The following COL14A1 variants were observed in gnomAD, a reference collection of about 807,000 sequenced individuals.
COL14A1 encodes the protein collagen alpha-1(XIV) chain.
In COL14A1, 136 loss-of-function variants were observed where a neutral mutation model predicts 230.3. That is an observed-to-expected ratio of 0.59 (90% CI 0.51 to 0.68). The LOEUF (loss-of-function observed/expected upper bound fraction) is 0.68, where lower values mean the gene tolerates loss of function less well. Ranked by LOEUF, COL14A1 falls within the 30% of genes least tolerant of loss-of-function variation. The probability of loss-of-function intolerance (pLI) is 0.00; values close to 1 mark genes in which losing one functional copy is unlikely to be tolerated. For synonymous variants in COL14A1, 792 were observed against 784.1 expected (o/e 1.01, Z -0.17); for missense variants, 1,976 against 2,215.8 (o/e 0.89, Z 2.17).
At chr8:120,265,053 G>A (rs925707653) in intron 24 of COL14A1, among the ~76,000 whole-genome samples, 4 of 152,090 alleles carry the variant, frequency 2.6e-5, no homozygotes, top group Admixed American at 1.3e-4. Flanking sequence ...CTGAAGCAAT[G>A]CAGGTAAAGA....
At chr8:120,358,261 A>G (rs896706009) in intron 45 of COL14A1, among the ~76,000 whole-genome samples, 79 of 152,306 alleles carry the variant, frequency 5.2e-4, no homozygotes, top group Non-Finnish European at 9.3e-4. Flanking sequence ...ATACCCAGAT[A>G]GAGTATGCTT....
chr8:120,144,231 G>A (rs542512217), intron 1 of COL14A1, among the ~76,000 whole-genome samples: 2 of 152,208 alleles, frequency 1.3e-5, no homozygotes, highest in African/African-American at 4.8e-5. Context: ...CTCAAATGTA[G>A]TATCATTATT....
chr8:120,273,805 CA>C (rs113673542), intron 26 of COL14A1, among the ~76,000 whole-genome samples: 89,199 of 139,992 alleles, frequency 0.64, 27,522 homozygotes, highest in African/African-American at 0.74. Flanking sequence ...AACAGTTTTC[CA>C]AAAAAAAAAA....
chr8:120,248,846 C>A (rs543287023), intron 21 of COL14A1, among the ~76,000 whole-genome samples: 1 of 151,892 alleles, frequency 6.6e-6, no homozygotes, highest in Admixed American at 6.6e-5. Context: ...CAAAGCAAGA[C>A]CCTGTCTCAA....
intron 40 of COL14A1, among the ~76,000 whole-genome samples, chr8:120,321,156 C>T (rs1027936525): frequency 6.6e-6 from 1 of 152,234 alleles, no homozygotes; most frequent in Non-Finnish European, 1.5e-5. Context: ...GAAGATGTTG[C>T]GCCCAGCATT....
At position 120,371,782 on chromosome 8, in the gene COL14A1, G is replaced by C. The variant is rs1812164699; in HGVS notation, c.*551G>C. The C allele has an allele frequency of 2.5e-6, 1 of 392,398 alleles. No homozygotes were observed. Among genetic ancestry groups the C allele is most frequent in the Admixed American group, 4.4e-5 (1 of 22,536 alleles). 24.3% of individuals were successfully genotyped at this position (392,398 alleles called of 1,614,324 possible). A position where few individuals can be genotyped will look rare whatever the true frequency, so the allele number is the denominator to read the frequency against. ...TGGTTTCATGTGTATCCAAAAATCA[G>C]CATTTGGATTTAAGCTTTCTGAATT... On this transcript the variant is annotated 3_prime_UTR_variant, in exon 48 of 48. Transcript: ENST00000297848.
rs923793125 is a variant in COL14A1 at position 120,371,820 on chromosome 8, A to C, written c.*589A>C. 1 of 386,518 alleles carries C rather than the reference A, an allele frequency of 2.6e-6. No homozygotes were observed. The highest frequency in any genetic ancestry group is 4.6e-6 in the Non-Finnish European group (1 of 218,364). 23.9% of individuals were successfully genotyped at this position (386,518 alleles called of 1,614,324 possible). ...AGCTTTCTGAATTTGGTAGTTTAAG[A>C]AACAGATTTAGTTTTTCAGTGGTTT... On this transcript the variant is annotated 3_prime_UTR_variant, in exon 48 of 48. Coordinates refer to ENST00000297848, the MANE Select transcript of COL14A1 (RefSeq NM_021110.4).
intron 34 of COL14A1, among the ~76,000 whole-genome samples, chr8:120,293,916 A>C (rs769660186): frequency 6.6e-6 from 1 of 152,024 alleles, no homozygotes; most frequent in East Asian, 1.9e-4. Context: ...GTTTCCCTTA[A>C]ATTCAATAAA....
At chr8:120,305,537 T>C (rs1245929839) in intron 36 of COL14A1, among the ~76,000 whole-genome samples, 3 of 152,184 alleles carry the variant, frequency 2.0e-5, no homozygotes, top group Non-Finnish European at 4.4e-5. Context: ...ATTTATATTT[T>C]AGATATTTCT....
intron 36 of COL14A1, among the ~76,000 whole-genome samples, chr8:120,308,661 T>C (rs528720141): frequency 6.6e-5 from 10 of 152,328 alleles, no homozygotes; most frequent in Middle Eastern, 3.4e-3. Context: ...TTTAAAAAGC[T>C]GAGGAAATTT....
intron 5 of COL14A1, among the ~76,000 whole-genome samples, chr8:120,194,148 C>T (rs1318525131): frequency 3.3e-5 from 5 of 152,222 alleles, no homozygotes; most frequent in South Asian, 2.1e-4. Context: ...GCGTCACTCA[C>T]ACTGGAAGCT....
intron 31 of COL14A1, 92 bp from the exon 32 acceptor site, chr8:120,283,544 C>A: frequency 7.3e-7 from 1 of 1,365,710 alleles, no homozygotes; most frequent in Non-Finnish European, 1.0e-6. Context: ...TTTTCCAAAT[C>A]TTGTGTAATG....
At chr8:120,138,900 T>C (rs1352786603) in intron 1 of COL14A1, among the ~76,000 whole-genome samples, 1 of 152,230 alleles carries the variant, frequency 6.6e-6, no homozygotes, top group Non-Finnish European at 1.5e-5. Flanking sequence ...AAAATTCTCT[T>C]TCTATAAAGT....
rs2198747 is a variant in COL14A1, at chr8:120,297,863, C to T, written c.4314+275C>T. On this transcript the variant is annotated intron_variant, in intron 35 of 47. Coordinates refer to ENST00000297848, the MANE Select transcript of COL14A1 (RefSeq NM_021110.4). ...CTCATGAAGCCCTTAGTGTCTCAAG[C>T]TTTTTCTTGCACCCCTAAGCCAAAA... Among the ~76,000 whole-genome samples the T allele has an allele frequency of 0.67, 101,944 of 151,714 alleles. 35,783 individuals are homozygous for T. The highest frequency in any genetic ancestry group is 0.89 in the African/African-American group (36,951 of 41,426).
intron 5 of COL14A1, among the ~76,000 whole-genome samples, chr8:120,175,511 T>C (rs1281516302): frequency 1.3e-5 from 2 of 152,180 alleles, no homozygotes; most frequent in Non-Finnish European, 2.9e-5. Flanking sequence ...AGTGTTCTCA[T>C]TTTCTGGGGG....
At chr8:120,245,172 G>A (rs1174184566) in intron 20 of COL14A1, among the ~76,000 whole-genome samples, 2 of 152,272 alleles carry the variant, frequency 1.3e-5, no homozygotes, top group Non-Finnish European at 2.9e-5. Flanking sequence ...GCCACCCCAT[G>A]CAAAGTAGCC....
Position 120,369,365 on chromosome 8 carries a change from C to A in COL14A1, c.5191C>A (p.Pro1731Thr), listed in dbSNP as rs1823510226. ...GGAGAGTCGGCCTGGCAGCCCTGGG[C>A]CCCCTGGCTCTCCTGGACCAAGAGG... ...SGESRPGSPG[P>T]PGSPGPRGPP... Residue 1731 changes from proline to threonine, a missense_variant, in exon 47 of 48, where the codon CCC (proline) becomes ACC (threonine). This residue lies in a region of COL14A1 where 1,791 missense variants were observed against 2,019.5 expected (regional missense o/e 0.89). Coordinates refer to ENST00000297848, the MANE Select transcript of COL14A1 (RefSeq NM_021110.4). 1.3e-6 allele frequency: 2 copies of A among 1,599,030 alleles called. No homozygotes were observed. The highest frequency in any genetic ancestry group is 1.7e-6 in the Non-Finnish European group (2 of 1,172,938).
intron 29 of COL14A1, 72 bp from the exon 30 acceptor site, chr8:120,280,639 C>G: frequency 1.4e-6 from 2 of 1,415,476 alleles, no homozygotes; most frequent in Non-Finnish European, 2.0e-6. Flanking sequence ...GTTTCCTGTT[C>G]TCAGGACAGG....
intron 34 of COL14A1, among the ~76,000 whole-genome samples, chr8:120,290,641 G>A (rs1427614512): frequency 6.6e-6 from 1 of 152,146 alleles, no homozygotes; most frequent in East Asian, 1.9e-4. Flanking sequence ...AGTTCTCCAA[G>A]ACTTTTAAAG....
Sources: allele counts gnomAD v4.1 joint callset (sites outside exome capture counted in the v4.1 genomes callset), GRCh38; gene constraint gnomAD v4.1.1; regional missense constraint gnomAD v4.1.1; transcripts MANE v1.5; gene names NCBI Gene and HGNC (gene_info 2026-07-23, HGNC 2026-07-21).